SNTG2: variants seen among roughly 807,000 people sequenced by gnomAD.
SNTG2 encodes syntrophin gamma 2, also known as gamma-2-syntrophin.
A neutral mutation model predicts 70.9 loss-of-function variants in SNTG2; 74 were observed. The observed-to-expected ratio is 1.04, with a 90% confidence interval of 0.86 to 1.27. The LOEUF is 1.27. Ranked by LOEUF, SNTG2 falls within the 50% of genes most tolerant of loss-of-function variation. SNTG2 has a pLI of 0.00. For missense variants in SNTG2, 717 were observed against 690.7 expected (o/e 1.04, Z -0.43); for synonymous variants, 278 against 273.8 (o/e 1.02, Z -0.15).
chr2:1,029,618 G>A (rs190821110), intron 1 of SNTG2, among the ~76,000 whole-genome samples: 9 of 152,338 alleles, frequency 5.9e-5, no homozygotes, highest in East Asian at 1.9e-4. Flanking sequence ...GAGACCATGC[G>A]TGAGAGCATG....
At chr2:1,205,533 A>C (rs1257526599) in intron 8 of SNTG2, among the ~76,000 whole-genome samples, 2 of 152,132 alleles carry the variant, frequency 1.3e-5, no homozygotes, top group African/African-American at 2.4e-5. Context: ...AAAACTTCTA[A>C]AATAACCTCA....
intron 9 of SNTG2, among the ~76,000 whole-genome samples, chr2:1,229,863 GAGGCCGGCA>G (rs987701826): frequency 2.6e-5 from 4 of 152,232 alleles, no homozygotes; most frequent in African/African-American, 9.6e-5. Flanking sequence ...CTTATTGCCC[GAGGCCGGCA>G]GGGCCGGCTG....
intron 1 of SNTG2, among the ~76,000 whole-genome samples, chr2:1,031,528 A>ATATATATATATATATATACATTTTTT: frequency 1.7e-5 from 1 of 59,142 alleles, no homozygotes. Context: ...ATATATATAT[A>ATATATATATATATATATACATTTTTT]TTTTTTTTTT....
chr2:1,192,567 T>C (rs1329148701), intron 8 of SNTG2, among the ~76,000 whole-genome samples: 3 of 152,162 alleles, frequency 2.0e-5, no homozygotes, highest in Non-Finnish European at 4.4e-5. Flanking sequence ...TGATGTTTTC[T>C]AGAATTAAAG....
chr2:1,009,359 CA>C (rs755170953), intron 1 of SNTG2, among the ~76,000 whole-genome samples: 44 of 67,064 alleles, frequency 6.6e-4, no homozygotes, highest in Admixed American at 8.7e-4. Flanking sequence ...CCCAGGAAGA[CA>C]TGCTGGTTCT....
At chr2:1,255,827 T>C (rs1678029034) in intron 12 of SNTG2, among the ~76,000 whole-genome samples, 1 of 38,376 alleles carries the variant, frequency 2.6e-5, no homozygotes, top group African/African-American at 1.1e-4. Context: ...TATGTATATA[T>C]ATATAAATAT....
At chr2:1,124,091 T>C (rs565027612) in intron 4 of SNTG2, among the ~76,000 whole-genome samples, 1 of 151,724 alleles carries the variant, frequency 6.6e-6, no homozygotes, top group South Asian at 2.1e-4. Flanking sequence ...TAGATTATTG[T>C]ACATTTCAGA....
intron 9 of SNTG2, among the ~76,000 whole-genome samples, chr2:1,218,103 G>T (rs1010914743): frequency 4.6e-5 from 7 of 152,014 alleles, no homozygotes; most frequent in Admixed American, 4.6e-4. Context: ...AGACCACCAT[G>T]TTCATTGACA....
chr2:1,100,980 C>T (rs1029752700), intron 4 of SNTG2, among the ~76,000 whole-genome samples: 1 of 152,148 alleles, frequency 6.6e-6, no homozygotes. Context: ...CTCATCCCTG[C>T]CTCAGGCAAC....
At chr2:1,255,984 C>A (rs993486401) in intron 12 of SNTG2, among the ~76,000 whole-genome samples, 2 of 144,282 alleles carry the variant, frequency 1.4e-5, no homozygotes, top group African/African-American at 2.5e-5. Flanking sequence ...GTATGTATAG[C>A]CACGCATTGC....
chr2:1,278,983 C>A (rs554854367), intron 14 of SNTG2, among the ~76,000 whole-genome samples: 2 of 100,486 alleles, frequency 2.0e-5, no homozygotes, highest in African/African-American at 6.4e-5. Flanking sequence ...TGTCAGCGCG[C>A]GAATCACCCC....
At chr2:1,040,319 A>C (rs536071215) in intron 1 of SNTG2, among the ~76,000 whole-genome samples, 1 of 152,194 alleles carries the variant, frequency 6.6e-6, no homozygotes, top group African/African-American at 2.4e-5. Context: ...CCAGTTTGAG[A>C]ACCCCTTCTC....
intron 13 of SNTG2, chr2:1,262,702 C>T (rs949703495): frequency 4.2e-5 from 4 of 94,670 alleles, no homozygotes; most frequent in Non-Finnish European, 1.2e-4. Context: ...TCCGTCCAGA[C>T]GAGGCAACCG....
chr2:1,037,731 A>G (rs1405504717), intron 1 of SNTG2, among the ~76,000 whole-genome samples: 1 of 152,170 alleles, frequency 6.6e-6, no homozygotes, highest in African/African-American at 2.4e-5. Context: ...TCTACTTCGC[A>G]TCATGTTTTG....
chr2:1,124,745 C>T (rs925764240), intron 4 of SNTG2, among the ~76,000 whole-genome samples: 1 of 152,080 alleles, frequency 6.6e-6, no homozygotes, highest in South Asian at 2.1e-4. Flanking sequence ...AGGTCAAACA[C>T]GCAGAGAAGG....
chr2:1,297,673 TC>T (rs1490267063), intron 14 of SNTG2, among the ~76,000 whole-genome samples: 1 of 152,184 alleles, frequency 6.6e-6, no homozygotes, highest in Non-Finnish European at 1.5e-5. Flanking sequence ...TAGGTCGTTT[TC>T]CAGCCTTTCC....
At chr2:1,221,428 T>C (rs910248829) in intron 9 of SNTG2, among the ~76,000 whole-genome samples, 15 of 150,510 alleles carry the variant, frequency 1.0e-4, no homozygotes, top group East Asian at 4.0e-4. Context: ...TTTGTCTCTG[T>C]CTCTCTCTGT....
chr2:1,008,048 C>T (rs768722505), intron 1 of SNTG2, among the ~76,000 whole-genome samples: 10 of 152,100 alleles, frequency 6.6e-5, no homozygotes, highest in Non-Finnish European at 8.8e-5. Context: ...CCACAACACC[C>T]GACCAGGTTT....
intron 6 of SNTG2, among the ~76,000 whole-genome samples, chr2:1,144,082 G>A (rs1305532529): frequency 6.6e-6 from 1 of 152,086 alleles, no homozygotes; most frequent in Non-Finnish European, 1.5e-5. Flanking sequence ...CCAAGGGTGT[G>A]CTTATCTGAC....
Sources: allele counts gnomAD v4.1 joint callset (sites outside exome capture counted in the v4.1 genomes callset), GRCh38; gene constraint gnomAD v4.1.1; transcripts MANE v1.5; gene names NCBI Gene and HGNC (gene_info 2026-07-23, HGNC 2026-07-21).